The following ENTPD7 variants were observed in gnomAD, a reference collection of about 807,000 sequenced individuals.
ENTPD7 encodes the protein ectonucleoside triphosphate diphosphohydrolase 7.
In ENTPD7, 53 loss-of-function variants were observed where a neutral mutation model predicts 77.9. That is an observed-to-expected ratio of 0.68 (90% CI 0.55 to 0.85). The LOEUF (loss-of-function observed/expected upper bound fraction) is 0.85. ENTPD7 is among the 40% of genes least tolerant of loss of function. The probability of loss-of-function intolerance (pLI) is 0.00; values close to 1 mark genes in which losing one functional copy is unlikely to be tolerated. For missense variants in ENTPD7, 636 were observed against 743.7 expected, an observed-to-expected ratio of 0.86 and a Z score of 1.68; for synonymous variants, 248 against 274.9, an observed-to-expected ratio of 0.90 and a Z score of 0.97.
chr10:99,703,968 C>A (rs2036195210), intron 12 of ENTPD7, among the ~76,000 whole-genome samples: 1 of 152,276 alleles, frequency 6.6e-6, no homozygotes, highest in East Asian at 1.9e-4. Flanking sequence ...TCAAGCAATT[C>A]TCCTGGCCTG....
At chr10:99,667,184 G>A (rs767432090) in intron 3 of ENTPD7, among the ~76,000 whole-genome samples, 3 of 152,182 alleles carry the variant, frequency 2.0e-5, no homozygotes, top group Admixed American at 6.5e-5. Context: ...GGAATGCTGT[G>A]GCTCAGAGCT....
intron 5 of ENTPD7, among the ~76,000 whole-genome samples, chr10:99,685,128 A>G (rs571274318): frequency 9.9e-5 from 15 of 152,198 alleles, no homozygotes; most frequent in Non-Finnish European, 1.9e-4. Context: ...GTGGTGATCC[A>G]TGCCTGTAAT....
intron 5 of ENTPD7, among the ~76,000 whole-genome samples, chr10:99,681,807 A>C (rs142225948): frequency 1.3e-5 from 2 of 152,140 alleles, no homozygotes; most frequent in African/African-American, 4.8e-5. Context: ...GCAACTTTTC[A>C]TATGCCTGTT....
At chr10:99,686,568 T>A (rs2035813464) in intron 6 of ENTPD7, among the ~76,000 whole-genome samples, 1 of 152,144 alleles carries the variant, frequency 6.6e-6, no homozygotes, top group Non-Finnish European at 1.5e-5. Context: ...TCTATTTTGA[T>A]CTTCTTAATA....
At chr10:99,688,830 C>T (rs1237253048) in intron 7 of ENTPD7, 80 bp downstream of exon 7, 2 of 1,362,126 alleles carry the variant, frequency 1.5e-6, no homozygotes, top group African/African-American at 1.5e-5. Context: ...CATGTAAATG[C>T]AAATTTTGAG....
At chr10:99,700,393 C>CGTGTGTGTGT (rs1274032554) in intron 10 of ENTPD7, among the ~76,000 whole-genome samples, 2 of 103,650 alleles carry the variant, frequency 1.9e-5, no homozygotes, top group African/African-American at 8.5e-5. Flanking sequence ...TCCAACGTAC[C>CGTGTGTGTGT]GTGTGTGTGT....
rs1192074991 is a variant in ENTPD7, at chr10:99,710,739, TA to T, written c.*6060del. 1.0e-6 allele frequency: 1 copy of T among 985,278 alleles called. No individual in the cohort carries two copies. The highest frequency in any genetic ancestry group is 1.7e-5 in the African/African-American group (1 of 57,226). 61.0% of individuals were successfully genotyped at this position (985,278 alleles called of 1,614,324 possible). ...GTAGCTGTAGATAAACTGGTTATCC[TA>T]AAATCATGATTATCAGTGTTGATCT... On this transcript the variant is annotated 3_prime_UTR_variant, in exon 13 of 13. Transcript: ENST00000370489.
chr10:99,706,970 C>T lies in ENTPD7; in HGVS notation c.*2287C>T, dbSNP rs544870218. Among the ~76,000 whole-genome samples the T allele has an allele frequency of 7.9e-5, 12 of 152,218 alleles. No homozygotes were observed. The East Asian group carries it at 2.3e-3, about 29-fold the overall frequency. On this transcript the variant is annotated 3_prime_UTR_variant, in exon 13 of 13. Coordinates refer to ENST00000370489, the MANE Select transcript of ENTPD7 (RefSeq NM_020354.5). ...AGTAGTGGTTGGTCCAGTTTGAAAGCTCTTATTAGTATTCTTCATCCTGGC... is the reference window on the plus strand; with the variant it reads ...AGTAGTGGTTGGTCCAGTTTGAAAGTTCTTATTAGTATTCTTCATCCTGGC...
chr10:99,678,776 C>CAAA (rs11444813), intron 3 of ENTPD7, among the ~76,000 whole-genome samples: 13 of 126,202 alleles, frequency 1.0e-4, no homozygotes, highest in South Asian at 2.7e-4. Flanking sequence ...GACTCCGTCT[C>CAAA]AAAAAAAAAA....
chr10:99,675,916 G>A (rs2035676431), intron 3 of ENTPD7, among the ~76,000 whole-genome samples: 1 of 152,028 alleles, frequency 6.6e-6, no homozygotes, highest in Admixed American at 6.6e-5. Flanking sequence ...TTTAAGAAAC[G>A]CTACTTGTTG....
rs374095085 is a variant in ENTPD7 at position 99,698,895 on chromosome 10, G to T, written c.1335+37G>T. 1.6e-3 allele frequency: 2,394 copies of T among 1,542,832 alleles called. 6 individuals are homozygous for T. Among genetic ancestry groups the T allele is most frequent in the Non-Finnish European group, 1.9e-3 (2,215 of 1,140,584 alleles). The stretch of plus-strand genomic sequence containing the variant: ...ATGATAAACATGGCTTATGCTGGCA[G>T]CAGCCATTTATTGAATGCCTCACTC... On this transcript the variant is annotated intron_variant, in intron 10 of 12. Transcript: ENST00000370489.
At chr10:99,662,042 A>G (rs1211922076) in intron 3 of ENTPD7, among the ~76,000 whole-genome samples, 2 of 152,138 alleles carry the variant, frequency 1.3e-5, no homozygotes, top group Non-Finnish European at 2.9e-5. Context: ...TATTTCTTCT[A>G]TAGTTTTAGT....
At chr10:99,687,274 T>C (rs1424443918) in intron 6 of ENTPD7, among the ~76,000 whole-genome samples, 1 of 112,306 alleles carries the variant, frequency 8.9e-6, no homozygotes, top group Non-Finnish European at 1.9e-5. Context: ...TTTTTTTTTT[T>C]TTTTTTTTTT....
intron 11 of ENTPD7, among the ~76,000 whole-genome samples, chr10:99,701,868 C>T (rs769485123): frequency 6.6e-6 from 1 of 151,548 alleles, no homozygotes; most frequent in Non-Finnish European, 1.5e-5. Context: ...GCTAACATGG[C>T]GAAACCCTGT....
intron 10 of ENTPD7, among the ~76,000 whole-genome samples, 155 bp downstream of exon 10, chr10:99,699,013 G>A (rs1243260459): frequency 2.6e-5 from 4 of 152,122 alleles, no homozygotes; most frequent in Non-Finnish European, 5.9e-5. Context: ...ATGAGGAAGT[G>A]GACAGAGAAC....
At chr10:99,663,749 C>G (rs1472228817) in intron 3 of ENTPD7, among the ~76,000 whole-genome samples, 1 of 152,116 alleles carries the variant, frequency 6.6e-6, no homozygotes, top group Non-Finnish European at 1.5e-5. Flanking sequence ...GCATGGGTCA[C>G]CGTGCCCTGC....
intron 3 of ENTPD7, among the ~76,000 whole-genome samples, chr10:99,665,864 A>T (rs1463509088): frequency 1.3e-5 from 2 of 152,152 alleles, no homozygotes; most frequent in Admixed American, 6.5e-5. Context: ...TTTCCAGAAG[A>T]GGAAACACTG....
chr10:99,679,207 C>T (rs946511727), intron 3 of ENTPD7, 54 bp from the exon 4 acceptor site: 51 of 1,551,008 alleles, frequency 3.3e-5, no homozygotes, highest in Non-Finnish European at 4.0e-5. Context: ...TAAGTGAGGG[C>T]GCCTTTCATG....
At chr10:99,674,731 A>C (rs1554835866) in intron 3 of ENTPD7, among the ~76,000 whole-genome samples, 1 of 152,118 alleles carries the variant, frequency 6.6e-6, no homozygotes, top group Non-Finnish European at 1.5e-5. Context: ...CCATCTCTTG[A>C]CTGTTGTCAT....
Sources: gnomAD v4.1 joint callset for allele counts (sites outside exome capture counted in the v4.1 genomes callset) on GRCh38, gnomAD v4.1.1 for gene constraint, MANE v1.5 for transcripts, NCBI Gene and HGNC (gene_info 2026-07-23, HGNC 2026-07-21) for gene names.